The following DNAH11 variants were observed in gnomAD, a reference collection of about 807,000 sequenced individuals.
The protein encoded by DNAH11 is axonemal beta dynein heavy chain 11.
In DNAH11, 442 loss-of-function variants were observed where a neutral mutation model predicts 526.0. That is an observed-to-expected ratio of 0.84 (90% CI 0.78 to 0.91). The LOEUF (loss-of-function observed/expected upper bound fraction) is 0.91, where lower values mean the gene tolerates loss of function less well. Among genes scored for constraint, DNAH11 ranks in the 40% least tolerant of loss-of-function variants. DNAH11 has a pLI of 0.00. For missense variants in DNAH11, 6,989 were observed against 5,448.7 expected (o/e 1.28, Z -8.90); for synonymous variants, 2,461 against 1,935.9 (o/e 1.27, Z -7.12).
rs557267869 is a variant in DNAH11 at position 21,806,767 on chromosome 7, A to G, written c.10166-1116A>G. Among the ~76,000 whole-genome samples, 23 of 152,328 alleles carry G rather than the reference A, an allele frequency of 1.5e-4. No homozygotes were observed. In the East Asian group the frequency reaches 4.2e-3, roughly 28 times the overall value. ...AAAATAAATTAGTGAACTACCCTGC[A>G]GTTCAGTCAATCCATACATATTTAT... is the stretch of plus-strand genomic sequence containing the variant. On this transcript the variant is annotated intron_variant, in intron 62 of 81. Transcript: ENST00000409508.
intron 68 of DNAH11, among the ~76,000 whole-genome samples, chr7:21,858,323 A>G (rs927639436): frequency 1.3e-5 from 2 of 152,210 alleles, no homozygotes; most frequent in Non-Finnish European, 2.9e-5. Flanking sequence ...AGTTTCTTGT[A>G]AAGATAAATA....
At chr7:21,606,337 AAAG>A in intron 18 of DNAH11, 86 bp from the exon 19 acceptor site, 12 of 1,138,554 alleles carry the variant, frequency 1.1e-5, no homozygotes, top group Non-Finnish European at 1.4e-5. Context: ...GAAAAAAAAA[AAAG>A]AAAGAAATTA....
intron 6 of DNAH11, among the ~76,000 whole-genome samples, chr7:21,565,764 G>T (rs1038373118): frequency 4.6e-5 from 7 of 152,190 alleles, no homozygotes; most frequent in South Asian, 2.1e-4. Context: ...GAAATGCCCA[G>T]CGTAGTGCTC....
chr7:21,639,354 T>A (rs1787017133), intron 28 of DNAH11, among the ~76,000 whole-genome samples: 1 of 152,152 alleles, frequency 6.6e-6, no homozygotes. Context: ...CCCAGAATTC[T>A]GGGACAAGAA....
chr7:21,866,793 A>G (rs1783299421), intron 71 of DNAH11, 130 bp downstream of exon 71: 2 of 1,016,616 alleles, frequency 2.0e-6, no homozygotes, highest in Non-Finnish European at 2.7e-6. Context: ...TGAGATTTTG[A>G]TATTATAATC....
chr7:21,681,718 C>A (rs772197059), intron 31 of DNAH11, 41 bp downstream of exon 31: 2 of 1,611,818 alleles, frequency 1.2e-6, no homozygotes, highest in Non-Finnish European at 1.7e-6. Context: ...ATTATTGTTT[C>A]CTGAAAGTGG....
intron 76 of DNAH11, among the ~76,000 whole-genome samples, chr7:21,887,143 AC>A (rs1784154153): frequency 6.6e-6 from 1 of 152,184 alleles, no homozygotes; most frequent in Non-Finnish European, 1.5e-5. Flanking sequence ...TCAAAAAGCA[AC>A]CCATTCATGG....
Position 21,543,181 on chromosome 7 carries a change from T to A in DNAH11, c.-65T>A. The A allele has an allele frequency of 6.9e-7, 1 of 1,450,964 alleles. No individual in the cohort carries two copies. Among genetic ancestry groups the A allele is most frequent in the Admixed American group, 2.7e-5 (1 of 36,722 alleles). The allele number at this position is 1,450,964 out of a possible 1,614,324, so 89.9% of individuals were successfully genotyped here. A position where few individuals can be genotyped will look rare whatever the true frequency, so the allele number is the denominator to read the frequency against. On this transcript the variant is annotated 5_prime_UTR_variant, in exon 1 of 82. Coordinates refer to ENST00000409508, the MANE Select transcript of DNAH11 (RefSeq NM_001277115.2). ...CGCCTGCGGAGGTGTCCTCGCTCAC[T>A]TCGGGGGGCCCAGAGTCTCGGGTGA... is the stretch of plus-strand genomic sequence containing the variant.
intron 42 of DNAH11, 25 bp downstream of exon 42, chr7:21,711,885 G>T (rs72657351): frequency 1.3e-6 from 2 of 1,576,236 alleles, no homozygotes; most frequent in Admixed American, 1.9e-5. Flanking sequence ...TTGTTTTATT[G>T]TAGTAAATTG....
chr7:21,548,630 A>G (rs927151846), intron 2 of DNAH11, among the ~76,000 whole-genome samples: 2 of 152,176 alleles, frequency 1.3e-5, no homozygotes, highest in Non-Finnish European at 2.9e-5. Context: ...CTGGAAGGTA[A>G]CAGGTTACAG....
At chr7:21,786,475 A>T in intron 58 of DNAH11, 149 bp from the exon 59 acceptor site, 1 of 850,950 alleles carries the variant, frequency 1.2e-6, no homozygotes, top group South Asian at 2.5e-5. Context: ...TCCAAGGTGG[A>T]GTCCCCAGGT....
Position 21,588,198 on chromosome 7 carries a change from A to G in DNAH11, c.1845A>G (p.Lys615=), listed in dbSNP as rs1784540947. 1 of 1,611,206 alleles carries G rather than the reference A, an allele frequency of 6.2e-7. No individual in the cohort carries two copies. The highest frequency in any genetic ancestry group is 1.7e-5 in the Admixed American group (1 of 59,542). Residue 615 remains lysine (K), a synonymous_variant, in exon 10 of 82, where the codon AAA becomes AAG. Coordinates refer to ENST00000409508, the MANE Select transcript of DNAH11 (RefSeq NM_001277115.2). ...AGCAACTGTATAATGAACACATGAA[A>G]CAGGTAAGTGGTGGATAAGGTTGGA... is the stretch of plus-strand genomic sequence containing the variant. ...VCKQLYNEHM[K]QIECGHVVLN...
chr7:21,800,183 C>T (rs1788908041), intron 61 of DNAH11, among the ~76,000 whole-genome samples: 1 of 152,210 alleles, frequency 6.6e-6, no homozygotes, highest in African/African-American at 2.4e-5. Flanking sequence ...TTTCGTCCTT[C>T]TCTCTTTCTC....
chr7:21,807,762 C>CG (rs1789333220), intron 62 of DNAH11, 121 bp from the exon 63 acceptor site: 1 of 857,126 alleles, frequency 1.2e-6, no homozygotes, highest in East Asian at 2.8e-5. Flanking sequence ...CCGTTACACT[C>CG]TGTTCCTTAT....
At chr7:21,820,349 G>C (rs983003421) in intron 65 of DNAH11, among the ~76,000 whole-genome samples, 1 of 152,140 alleles carries the variant, frequency 6.6e-6, no homozygotes, top group Non-Finnish European at 1.5e-5. Context: ...GGTGATAGAC[G>C]TATACATGGC....
In DNAH11 at chr7:21,567,014, G is replaced by A. The variant is rs543763250; in HGVS notation, c.1194+2617G>A. 8.5e-5 allele frequency among the ~76,000 whole-genome samples: 13 copies of A among 152,274 alleles called. No individual in the cohort carries two copies. In the East Asian group the frequency reaches 2.5e-3, roughly 29 times the overall value. On this transcript the variant is annotated intron_variant, in intron 6 of 81. Transcript: ENST00000409508. The stretch of plus-strand genomic sequence containing the variant: ...ATACAAAGATCCCCTCTTTTGACTG[G>A]AATGATTGGCTTACTATAAATTCCT...
chr7:21,681,788 A>G (rs1783151869), intron 31 of DNAH11, 111 bp downstream of exon 31: 1 of 1,347,476 alleles, frequency 7.4e-7, no homozygotes, highest in Non-Finnish European at 1.1e-6. Flanking sequence ...TGTATGTTTT[A>G]ATTAGTCCTG....
At position 21,564,313 on chromosome 7, in the gene DNAH11, G is replaced by A; in HGVS notation, c.1110G>A (p.Leu370=). The stretch of plus-strand genomic sequence containing the variant: ...CTCCATTATTTCATACCATCTGTCT[G>A]ATCTGGAGTCATTCCAAGTTTTATA... ...LIAPLFHTIC[L]IWSHSKFYNT... is the part of the protein sequence containing the mutation. Residue 370 remains leucine (L), a synonymous_variant, in exon 6 of 82, where the codon CTG becomes CTA. Transcript: ENST00000409508. The A allele has an allele frequency of 1.2e-6, 2 of 1,613,594 alleles. No homozygotes were observed. Among genetic ancestry groups the A allele is most frequent in the South Asian group, 1.1e-5 (1 of 91,062 alleles).
intron 25 of DNAH11, among the ~76,000 whole-genome samples, chr7:21,623,151 G>A (rs1053213316): frequency 2.0e-3 from 308 of 152,132 alleles, no homozygotes; most frequent in Non-Finnish European, 2.2e-3. Context: ...AAAAGTGGGC[G>A]AAGGACATGA....
Sources: gnomAD v4.1 joint callset for allele counts (sites outside exome capture counted in the v4.1 genomes callset) on GRCh38, gnomAD v4.1.1 for gene constraint, MANE v1.5 for transcripts, NCBI Gene and HGNC (gene_info 2026-07-23, HGNC 2026-07-21) for gene names.